The following DUXA variants were observed in gnomAD, a reference collection of about 807,000 sequenced individuals.
DUXA encodes the protein double homeobox A, also known as double homeobox protein A.
A neutral mutation model predicts 27.5 loss-of-function variants in DUXA; 25 were observed. The observed-to-expected ratio is 0.91, with a 90% CI of 0.66 to 1.27. The LOEUF (loss-of-function observed/expected upper bound fraction) is 1.27. Among genes scored for constraint, DUXA ranks in the 50% most tolerant of loss-of-function variants. The pLI is 0.00. For missense variants in DUXA, 247 were observed against 242.9 expected, an observed-to-expected ratio of 1.02 and a Z score of -0.11; for synonymous variants, 90 against 80.5, an observed-to-expected ratio of 1.12 and a Z score of -0.63.
chr19:57,159,887 G>A (rs562777521), intron 2 of DUXA, among the ~76,000 whole-genome samples: 1 of 152,094 alleles, frequency 6.6e-6, no homozygotes, highest in South Asian at 2.1e-4. Context: ...CAGATCACGA[G>A]GTCAGGAGTT....
intron 1 of DUXA, among the ~76,000 whole-genome samples, chr19:57,163,575 CT>C (rs767065297): frequency 1.2e-4 from 19 of 152,116 alleles, no homozygotes; most frequent in Non-Finnish European, 2.2e-4. Flanking sequence ...TCCTGAGTAG[CT>C]GGGATTACAG....
At chr19:57,158,275 T>C in intron 4 of DUXA, 53 bp downstream of exon 4, 1 of 1,596,242 alleles carries the variant, frequency 6.3e-7, no homozygotes, top group Non-Finnish European at 8.6e-7. Flanking sequence ...TGGCTTCCCT[T>C]CCTGTATACC....
chr19:57,165,324 A>AAAAATATATAT (rs1491567041), intron 1 of DUXA, among the ~76,000 whole-genome samples: 2 of 89,286 alleles, frequency 2.2e-5, no homozygotes, highest in African/African-American at 8.1e-5. Context: ...AAAAAAAAAA[A>AAAAATATATAT]ATATATATAT....
chr19:57,154,900 T>C (rs961675025), intron 5 of DUXA, among the ~76,000 whole-genome samples: 1 of 152,198 alleles, frequency 6.6e-6, no homozygotes, highest in Non-Finnish European at 1.5e-5. Flanking sequence ...TACTACCTCC[T>C]GGGAAAGCCA....
chr19:57,166,643 G>A (rs1312818938), intron 1 of DUXA, among the ~76,000 whole-genome samples: 1 of 152,196 alleles, frequency 6.6e-6, no homozygotes. Flanking sequence ...AACATCACAT[G>A]AGGTACAGCG....
intron 4 of DUXA, among the ~76,000 whole-genome samples, chr19:57,157,616 C>G (rs997839160): frequency 1.3e-5 from 2 of 151,998 alleles, no homozygotes; most frequent in African/African-American, 4.8e-5. Flanking sequence ...CAGACGTGAG[C>G]CACCGCACCC....
rs1182398057 is a variant in DUXA, at chr19:57,154,414, A to G, written c.613T>C (p.Ter205ArgextTer33). 1.2e-6 allele frequency: 2 copies of G among 1,613,320 alleles called. No individual in the cohort carries two copies. Among genetic ancestry groups the G allele is most frequent in the African/African-American group, 1.3e-5 (1 of 74,902 alleles). The change falls in exon 6 of 6, where the codon TGA (stop) becomes CGA (arginine). Residue 205 changes from the stop codon to arginine, a stop_lost. Transcript: ENST00000554048. Reference protein sequence around the residue: ...DSHFSGARTW* With the variant: ...DSHFSGARTWR ...AAGTACACTGAATTTGACTGTGTTC[A>G]CCACGTTCTGGCTCCAGAGAAATGA... is the stretch of plus-strand genomic sequence containing the variant.
intron 1 of DUXA, among the ~76,000 whole-genome samples, chr19:57,161,827 C>T (rs2087025603): frequency 6.6e-6 from 1 of 151,874 alleles, no homozygotes; most frequent in African/African-American, 2.4e-5. Context: ...CCATTTCAAC[C>T]CCTTTCAGTT....
At chr19:57,166,004 CAATA>C (rs2087052713) in intron 1 of DUXA, among the ~76,000 whole-genome samples, 2 of 151,954 alleles carry the variant, frequency 1.3e-5, no homozygotes, top group South Asian at 4.2e-4. Flanking sequence ...GTTCTAAGTG[CAATA>C]GTTAGGGATG....
chr19:57,159,498 C>G (rs1487944820), intron 2 of DUXA, among the ~76,000 whole-genome samples: 1 of 151,960 alleles, frequency 6.6e-6, no homozygotes. Context: ...ACTGCAACCT[C>G]CACCTCCTGA....
At chr19:57,159,663 T>G (rs1296686412) in intron 2 of DUXA, among the ~76,000 whole-genome samples, 2 of 151,794 alleles carry the variant, frequency 1.3e-5, no homozygotes, top group African/African-American at 4.8e-5. Context: ...TCCACCCACC[T>G]CGGCTTCCCA....
At chr19:57,161,517 G>A (rs1291102124) in intron 1 of DUXA, among the ~76,000 whole-genome samples, 2 of 149,954 alleles carry the variant, frequency 1.3e-5, no homozygotes, top group Non-Finnish European at 3.0e-5. Context: ...CAGCTACTCC[G>A]GAGGCTGAGG....
chr19:57,155,474 T>C (rs2086988297), intron 4 of DUXA, 102 bp from the exon 5 acceptor site: 10 of 866,746 alleles, frequency 1.2e-5, no homozygotes, highest in Non-Finnish European at 1.8e-6. Context: ...GAGACAGCGG[T>C]CTCTCTCAGA....
intron 4 of DUXA, among the ~76,000 whole-genome samples, chr19:57,157,976 AGAGT>A (rs1162182557): frequency 3.5e-5 from 5 of 144,374 alleles, no homozygotes; most frequent in Non-Finnish European, 6.0e-5. Context: ...CCTGGGTAAT[AGAGT>A]GAGACCCCAT....
chr19:57,158,639 TAG>T (rs537824976), intron 3 of DUXA, among the ~76,000 whole-genome samples, 166 bp from the exon 4 acceptor site: 149 of 152,296 alleles, frequency 9.8e-4, no homozygotes, highest in African/African-American at 3.4e-3. Context: ...TGGAAGGTTC[TAG>T]AGGAGACCCA....
chr19:57,167,256 G>T (rs1173687593), intron 1 of DUXA, among the ~76,000 whole-genome samples, 163 bp downstream of exon 1: 3 of 152,086 alleles, frequency 2.0e-5, no homozygotes, highest in African/African-American at 7.2e-5. Flanking sequence ...ACTGAAAACA[G>T]CCTATTTTCA....
At chr19:57,158,150 G>A (rs1010309228) in intron 4 of DUXA, among the ~76,000 whole-genome samples, 178 bp downstream of exon 4, 1 of 152,160 alleles carries the variant, frequency 6.6e-6, no homozygotes, top group Non-Finnish European at 1.5e-5. Context: ...AATACCAGAA[G>A]GGGATGTGAG....
intron 2 of DUXA, among the ~76,000 whole-genome samples, chr19:57,160,049 A>G (rs8102870): frequency 0.79 from 119,756 of 152,046 alleles, 47,734 homozygotes; most frequent in African/African-American, 0.9. Flanking sequence ...GGGTTTCAGC[A>G]AGCCAAGATC....
intron 2 of DUXA, 152 bp from the exon 3 acceptor site, chr19:57,159,430 T>G: frequency 1.3e-6 from 1 of 743,874 alleles, no homozygotes; most frequent in Non-Finnish European, 2.1e-6. Context: ...TTTTTCTTTT[T>G]TGAGATAGAG....
Sources: allele counts gnomAD v4.1 joint callset (sites outside exome capture counted in the v4.1 genomes callset), GRCh38; gene constraint gnomAD v4.1.1; transcripts MANE v1.5; gene names NCBI Gene and HGNC (gene_info 2026-07-23, HGNC 2026-07-21).